Variants in CKLF observed in about 807,000 individuals in gnomAD.
CKLF encodes the protein chemokine-like factor.
CKLF carries 16 observed loss-of-function variants against 12.9 expected under a neutral mutation model. The observed-to-expected ratio is 1.24, with a 90% CI of 0.84 to 1.88. The LOEUF is 1.88. Ranked by LOEUF, CKLF falls within the 40% of genes most tolerant of loss-of-function variation. CKLF has a pLI of 0.00. For synonymous variants in CKLF, 61 were observed against 69.0 expected (o/e 0.88, Z 0.57); for missense variants, 172 against 188.5 (o/e 0.91, Z 0.51).
At chr16:66,563,716 G>A (rs1260325378) in intron 3 of CKLF, among the ~76,000 whole-genome samples, 1 of 152,192 alleles carries the variant, frequency 6.6e-6, no homozygotes, top group African/African-American at 2.4e-5. Context: ...AGGGCACCTT[G>A]CAACTAAAGG....
chr16:66,560,852 C>CT (rs531812012), intron 2 of CKLF, among the ~76,000 whole-genome samples: 72 of 152,104 alleles, frequency 4.7e-4, no homozygotes, highest in Admixed American at 1.1e-3. Flanking sequence ...CTCTCTCTCT[C>CT]TGCCCCCTGG....
Position 66,558,287 on chromosome 16 carries a change from TC to T in CKLF, c.177del (p.Phe59LeufsTer12). The T allele has an allele frequency of 6.2e-7, 1 of 1,613,996 alleles. No individual in the cohort carries two copies. Among genetic ancestry groups the T allele is most frequent in the Non-Finnish European group, 8.5e-7 (1 of 1,180,002 alleles). On this transcript the variant is annotated frameshift_variant, in exon 2 of 4. Coordinates refer to ENST00000264001, the MANE Select transcript of CKLF (RefSeq NM_016951.4). LOFTEE classifies it high-confidence loss of function. ...TGFEVTVILF[F>X]ILLYVLRLDR... is the part of the protein sequence containing the mutation. Reference sequence around the variant, plus strand: ...TTTGAAGTCACCGTTATCTTATTTTTCATACTTTTATATGTACTCAGACTTG... The same window carrying T: ...TTTGAAGTCACCGTTATCTTATTTTTATACTTTTATATGTACTCAGACTTG...
chr16:66,563,342 A>G (rs1046277093), intron 3 of CKLF, 125 bp downstream of exon 3: 41 of 1,096,478 alleles, frequency 3.7e-5, no homozygotes, highest in Non-Finnish European at 4.9e-5. Context: ...CCAATATACA[A>G]TGCCTAGTGG....
intron 2 of CKLF, among the ~76,000 whole-genome samples, chr16:66,561,203 AT>A (rs1393145272): frequency 6.6e-6 from 1 of 151,814 alleles, no homozygotes; most frequent in African/African-American, 2.4e-5. Context: ...CTCCATTCAA[AT>A]TGTCCCAAAG....
At chr16:66,560,120 C>T (rs2011612282) in intron 2 of CKLF, among the ~76,000 whole-genome samples, 1 of 151,950 alleles carries the variant, frequency 6.6e-6, no homozygotes, top group Non-Finnish European at 1.5e-5. Flanking sequence ...AAGGATGAAA[C>T]GTAGTTAGCA....
At chr16:66,559,864 A>T (rs948568205) in intron 2 of CKLF, among the ~76,000 whole-genome samples, 4 of 152,210 alleles carry the variant, frequency 2.6e-5, no homozygotes, top group Admixed American at 2.6e-4. Flanking sequence ...TCTGATCTTG[A>T]TCTAATGAAA....
intron 1 of CKLF, among the ~76,000 whole-genome samples, chr16:66,557,208 T>C (rs756559418): frequency 6.6e-6 from 1 of 152,224 alleles, no homozygotes; most frequent in African/African-American, 2.4e-5. Flanking sequence ...TCTAGCTCTA[T>C]CACCCAGGCT....
At chr16:66,552,917 C>A in intron 1 of CKLF, 124 bp downstream of exon 1, 1 of 1,353,104 alleles carries the variant, frequency 7.4e-7, no homozygotes, top group Non-Finnish European at 1.0e-6. Context: ...GATTGAAAGG[C>A]AAGGCATGGC....
chr16:66,566,139 G>C, downstream of CKLF: 1 of 1,603,124 alleles, frequency 6.2e-7, no homozygotes, highest in Non-Finnish European at 8.5e-7. This position sits in a 1 kb window ranked among gnomAD's most constrained non-coding sequence, Gnocchi z 4.9. Context: ...TGCACCCCGC[G>C]CAGAGCACTA....
chr16:66,554,570 G>A (rs562596143), intron 1 of CKLF, among the ~76,000 whole-genome samples: 2 of 152,358 alleles, frequency 1.3e-5, no homozygotes, highest in East Asian at 3.9e-4. Flanking sequence ...TGGGATGGGA[G>A]GGCAGGGGAA....
At chr16:66,554,523 AAAAC>A (rs2011336285) in intron 1 of CKLF, among the ~76,000 whole-genome samples, 1 of 152,272 alleles carries the variant, frequency 6.6e-6, no homozygotes, top group South Asian at 2.1e-4. Context: ...CTAGTGAAAA[AAAAC>A]AAAGATCCCT....
rs572873544 is a variant in CKLF at position 66,563,336 on chromosome 16, T to C, written c.333+119T>C. 4.3e-6 allele frequency: 5 copies of C among 1,154,648 alleles called. No homozygotes were observed. The East Asian group carries it at 1.0e-4, about 24-fold the overall frequency. The allele number at this position is 1,154,648 out of a possible 1,614,324, so 71.5% of individuals were successfully genotyped here. A position where few individuals can be genotyped will look rare whatever the true frequency, so the allele number is the denominator to read the frequency against. On this transcript the variant is annotated intron_variant, in intron 3 of 3. Coordinates refer to ENST00000264001, the MANE Select transcript of CKLF (RefSeq NM_016951.4). ...TTCATCCTTGAGATTCCTAGGCCAA[T>C]ATACAATGCCTAGTGGCTTAATATT...
At chr16:66,555,709 A>G (rs888169381) in intron 1 of CKLF, among the ~76,000 whole-genome samples, 32 of 152,376 alleles carry the variant, frequency 2.1e-4, no homozygotes, top group African/African-American at 7.2e-4. Flanking sequence ...CTGGAGAGCC[A>G]CTGAAGAATT....
chr16:66,556,493 G>A (rs942920166), intron 1 of CKLF, among the ~76,000 whole-genome samples: 1 of 152,136 alleles, frequency 6.6e-6, no homozygotes, highest in Non-Finnish European at 1.5e-5. Flanking sequence ...ATAAATCACA[G>A]GAGAACACAG....
In CKLF at chr16:66,563,143, A is replaced by G; in HGVS notation, c.259A>G (p.Thr87Ala). 6.2e-7 allele frequency: 1 copy of G among 1,614,082 alleles called. No individual in the cohort carries two copies. The highest frequency in any genetic ancestry group is 8.5e-7 in the Non-Finnish European group (1 of 1,180,012). ...TTAGGATATTATCAACTCACTGGTA[A>G]CAACAGTATTCATGCTCATCGTATC... ...PLLDIINSLV[T>A]TVFMLIVSVL... The change falls in exon 3 of 4, where the codon ACA becomes GCA. Residue 87 changes from threonine (T) to alanine (A), a missense_variant. Physicochemically the swap from Thr to Ala is moderately conservative, Grantham distance 58 (BLOSUM62 0). Coordinates refer to ENST00000264001, the MANE Select transcript of CKLF (RefSeq NM_016951.4).
chr16:66,560,118 A>G (rs2011612112), intron 2 of CKLF, among the ~76,000 whole-genome samples: 1 of 152,150 alleles, frequency 6.6e-6, no homozygotes, highest in South Asian at 2.1e-4. Context: ...TGAAGGATGA[A>G]ACGTAGTTAG....
chr16:66,560,362 T>G (rs2011625329), intron 2 of CKLF, among the ~76,000 whole-genome samples: 1 of 152,114 alleles, frequency 6.6e-6, no homozygotes, highest in African/African-American at 2.4e-5. Context: ...TGGGAGTTTT[T>G]GGAGGTTTTT....
At chr16:66,560,248 G>A (rs1360714508) in intron 2 of CKLF, among the ~76,000 whole-genome samples, 1 of 152,198 alleles carries the variant, frequency 6.6e-6, no homozygotes, top group East Asian at 1.9e-4. Flanking sequence ...CTGAATGGTT[G>A]GGTATTGAGT....
intron 2 of CKLF, among the ~76,000 whole-genome samples, chr16:66,562,886 A>G (rs1387237870): frequency 6.6e-6 from 1 of 151,776 alleles, no homozygotes; most frequent in Non-Finnish European, 1.5e-5. Flanking sequence ...ATGTCTGGCT[A>G]ATTTTTGTTT....
Sources: allele counts gnomAD v4.1 joint callset (sites outside exome capture counted in the v4.1 genomes callset), GRCh38; gene constraint gnomAD v4.1.1; non-coding constraint Gnocchi (gnomAD v3.1); transcripts MANE v1.5; gene names NCBI Gene and HGNC (gene_info 2026-07-23, HGNC 2026-07-21).